Variants in FAT4 observed in about 807,000 individuals in gnomAD.
FAT4 encodes the protein FAT atypical cadherin 4.
A neutral mutation model predicts 303.9 loss-of-function variants in FAT4; 84 were observed. The ratio of observed to expected loss-of-function variants is 0.28; its 90% CI spans 0.23 to 0.33. The LOEUF (loss-of-function observed/expected upper bound fraction) is 0.33. FAT4 is among the 10% of genes least tolerant of loss of function. FAT4 has a pLI of 1.00. For synonymous variants in FAT4, 2,307 were observed against 2,298.8 expected (o/e 1.00, Z -0.10); for missense variants, 6,005 against 6,146.8 (o/e 0.98, Z 0.77).
intron 10 of FAT4, among the ~76,000 whole-genome samples, chr4:125,453,293 G>A (rs1726161218): frequency 6.6e-6 from 1 of 152,170 alleles, no homozygotes; most frequent in Non-Finnish European, 1.5e-5. Context: ...AACAATGATT[G>A]TTGTTGATTC....
At chr4:125,406,773 A>G in intron 3 of FAT4, 107 bp from the exon 4 acceptor site, 1 of 1,247,944 alleles carries the variant, frequency 8.0e-7, no homozygotes, top group South Asian at 1.5e-5. Flanking sequence ...TATCATATGA[A>G]CTTAAAGCCA....
intron 3 of FAT4, among the ~76,000 whole-genome samples, chr4:125,403,380 G>T (rs10857105): frequency 0.99 from 150,379 of 152,118 alleles, 74,348 homozygotes; most frequent in East Asian, 1. Flanking sequence ...TATATTAAAC[G>T]CAGTATTTTG....
Position 125,490,494 on chromosome 4 carries a change from G to A in FAT4, c.13678G>A (p.Asp4560Asn), listed in dbSNP as rs770945735. Residue 4560 changes from aspartate (D) to asparagine (N), a missense_variant, in exon 18 of 18, where the codon GAC becomes AAC. By Grantham distance (23) the Asp-to-Asn change is conservative. Transcript: ENST00000394329. ...KKGSENVAFDDPDNIPPYGDD... is the reference protein window; with the variant it reads ...KKGSENVAFDNPDNIPPYGDD... ...GGGAAGTGAGAACGTTGCTTTTGAT[G>A]ACCCTGACAATATCCCTCCCTATGG... 1 of 1,614,142 alleles carries A rather than the reference G, an allele frequency of 6.2e-7. No individual in the cohort carries two copies. The highest frequency in any genetic ancestry group is 1.7e-5 in the Admixed American group (1 of 60,024).
chr4:125,350,010 T>C (rs952895594), intron 2 of FAT4, among the ~76,000 whole-genome samples: 1 of 151,742 alleles, frequency 6.6e-6, no homozygotes, highest in African/African-American at 2.4e-5. Flanking sequence ...TCAATGAAAT[T>C]TGGATCCAGT....
Position 125,481,463 on chromosome 4 carries a change from C to T in FAT4, c.12605-58C>T, listed in dbSNP as rs10026069. On this transcript the variant is annotated intron_variant, in intron 15 of 17. Transcript: ENST00000394329. ...TTTATATTTTTGTCACTATAGAAAA[C>T]ACTCCAAGAAATGCCAAATGAATGC... The T allele has an allele frequency of 0.23, 334,442 of 1,478,688 alleles. 39,211 individuals are homozygous for T. Among genetic ancestry groups the T allele is most frequent in the Middle Eastern group, 0.27 (1,522 of 5,572 alleles). 91.6% of individuals were successfully genotyped at this position (1,478,688 alleles called of 1,614,324 possible). A position where few individuals can be genotyped will look rare whatever the true frequency, so the allele number is the denominator to read the frequency against.
At chr4:125,478,246 T>C (rs2126084655) in intron 14 of FAT4, among the ~76,000 whole-genome samples, 1 of 152,204 alleles carries the variant, frequency 6.6e-6, no homozygotes, top group South Asian at 2.1e-4. Flanking sequence ...TTCCTACATG[T>C]TGTTACTGTT....
At chr4:125,462,327 T>G (rs1030131786) in intron 10 of FAT4, among the ~76,000 whole-genome samples, 2 of 151,950 alleles carry the variant, frequency 1.3e-5, no homozygotes, top group African/African-American at 4.8e-5. Context: ...GCATATAGAA[T>G]GCATATCATT....
At chr4:125,418,408 T>G (rs1735157698) in intron 7 of FAT4, among the ~76,000 whole-genome samples, 1 of 152,128 alleles carries the variant, frequency 6.6e-6, no homozygotes, top group South Asian at 2.1e-4. Context: ...ATTTAAACTC[T>G]CATCATATTT....
chr4:125,455,895 T>G (rs1726261788), intron 10 of FAT4, among the ~76,000 whole-genome samples: 1 of 152,178 alleles, frequency 6.6e-6, no homozygotes, highest in Non-Finnish European at 1.5e-5. Flanking sequence ...GGAAACAGCT[T>G]ACAAAATCTT....
chr4:125,472,130 G>A (rs904529344), intron 12 of FAT4, among the ~76,000 whole-genome samples: 2 of 148,256 alleles, frequency 1.3e-5, no homozygotes, highest in African/African-American at 4.9e-5. Flanking sequence ...CCTAGATAAA[G>A]GAATTGTGTA....
rs542956206 is a variant in FAT4, at chr4:125,395,153, A to G, written c.5176-3631A>G. On this transcript the variant is annotated intron_variant, in intron 2 of 17. Transcript: ENST00000394329. ...CTAATGAGTTCAGATCTTCTCTCCT[A>G]GATAATTAAAACCGCAGGCTACTGA... 7.3e-4 allele frequency among the ~76,000 whole-genome samples: 111 copies of G among 152,222 alleles called. 1 individual carries two copies. The highest frequency in any genetic ancestry group is 9.7e-4 in the Non-Finnish European group (66 of 68,010).
At chr4:125,383,918 G>T (rs1733633681) in intron 2 of FAT4, among the ~76,000 whole-genome samples, 1 of 152,114 alleles carries the variant, frequency 6.6e-6, no homozygotes, top group African/African-American at 2.4e-5. Flanking sequence ...TAACCAGAAT[G>T]AAAAAGTCTA....
intron 7 of FAT4, among the ~76,000 whole-genome samples, chr4:125,433,751 C>A (rs1725356170): frequency 3.9e-5 from 6 of 152,208 alleles, no homozygotes; most frequent in African/African-American, 1.4e-4. Context: ...TTCCCACAGA[C>A]AGTATGGGAA....
chr4:125,466,616 T>TATA (rs59953298), intron 11 of FAT4, among the ~76,000 whole-genome samples: 90,532 of 149,480 alleles, frequency 0.61, 27,715 homozygotes, highest in East Asian at 0.85. Flanking sequence ...ACAGGATAGA[T>TATA]ATAAGTATAT....
At chr4:125,467,112 T>C (rs527916106) in intron 11 of FAT4, among the ~76,000 whole-genome samples, 1 of 151,532 alleles carries the variant, frequency 6.6e-6, no homozygotes, top group South Asian at 2.1e-4. Flanking sequence ...TTATAATAAA[T>C]ATTATTTCAG....
At chr4:125,394,150 G>A (rs1407245992) in intron 2 of FAT4, 2 of 509,330 alleles carry the variant, frequency 3.9e-6, no homozygotes, top group Admixed American at 7.0e-5. Context: ...ATCTTAACGG[G>A]ATCATGAATC....
At chr4:125,383,361 G>C (rs1269982656) in intron 2 of FAT4, among the ~76,000 whole-genome samples, 3 of 152,122 alleles carry the variant, frequency 2.0e-5, no homozygotes, top group African/African-American at 4.8e-5. Flanking sequence ...CTCAGGAATA[G>C]GGAGGCCCTA....
rs1269828987 is a variant in FAT4, at chr4:125,318,929, G to A, written c.2518G>A (p.Ala840Thr). The change falls in exon 2 of 18, where the codon GCT (alanine) becomes ACT (threonine). Residue 840 changes from alanine to threonine, a missense_variant. Coordinates refer to ENST00000394329, the MANE Select transcript of FAT4 (RefSeq NM_001291303.3). ...TACTGGGGATCAGAAAGGTATGTTT[G>A]CTATCAACCAGGTCACTGGGCAGCT... ...ITTGDQKGMF[A>T]INQVTGQLTT... The A allele has an allele frequency of 6.2e-7, 1 of 1,614,046 alleles. No homozygotes were observed. Among genetic ancestry groups the A allele is most frequent in the East Asian group, 2.2e-5 (1 of 44,896 alleles).
chr4:125,394,530 A>G (rs1734094957), intron 2 of FAT4, among the ~76,000 whole-genome samples: 1 of 152,190 alleles, frequency 6.6e-6, no homozygotes, highest in African/African-American at 2.4e-5. Flanking sequence ...CTAAACCACT[A>G]ATAACAACTG....
Sources: allele counts gnomAD v4.1 joint callset (sites outside exome capture counted in the v4.1 genomes callset), GRCh38; gene constraint gnomAD v4.1.1; transcripts MANE v1.5; gene names NCBI Gene and HGNC (gene_info 2026-07-23, HGNC 2026-07-21).